Variants in ADAMTS12 observed in about 807,000 individuals in gnomAD.
The protein encoded by ADAMTS12 is ADAM metallopeptidase with thrombospondin type 1 motif 12.
A neutral mutation model predicts 167.8 loss-of-function variants in ADAMTS12; 118 were observed. That is an observed-to-expected ratio of 0.70 (90% CI 0.61 to 0.82). The LOEUF (loss-of-function observed/expected upper bound fraction) is 0.82, where lower values mean the gene tolerates loss of function less well. ADAMTS12 is among the 40% of genes least tolerant of loss of function. The pLI is 0.00. For missense variants in ADAMTS12, 1,916 were observed against 1,998.8 expected, an observed-to-expected ratio of 0.96 and a Z score of 0.79; for synonymous variants, 704 against 716.9, an observed-to-expected ratio of 0.98 and a Z score of 0.29.
rs559706198 is a variant in ADAMTS12 at position 33,532,944 on chromosome 5, T to A, written c.4606+1889A>T. Among the ~76,000 whole-genome samples, 2 of 152,342 alleles carry A rather than the reference T, an allele frequency of 1.3e-5. 1 individual carries two copies. Among genetic ancestry groups the A allele is most frequent in the South Asian group, 4.1e-4 (2 of 4,820 alleles). Reference sequence around the variant, plus strand: ...TGGCTGGTTTCTTAAATCAAGGAATTTCTCACAACTCTTCTTTCATTTTCC... The same window carrying A: ...TGGCTGGTTTCTTAAATCAAGGAATATCTCACAACTCTTCTTTCATTTTCC... On this transcript the variant is annotated intron_variant, in intron 23 of 23. Transcript: ENST00000504830.
intron 16 of ADAMTS12, among the ~76,000 whole-genome samples, chr5:33,604,038 T>C (rs1738310012): frequency 1.3e-5 from 2 of 152,150 alleles, no homozygotes; most frequent in African/African-American, 4.8e-5. Flanking sequence ...TAAGTATAAA[T>C]TTATATCATA....
chr5:33,658,531 T>G (rs554084922), intron 6 of ADAMTS12, among the ~76,000 whole-genome samples, 198 bp from the exon 7 acceptor site: 1 of 152,326 alleles, frequency 6.6e-6, no homozygotes, highest in African/African-American at 2.4e-5. Flanking sequence ...ATTACTGAAT[T>G]TCACCAACAC....
chr5:33,811,042 T>C (rs917439608), intron 2 of ADAMTS12, among the ~76,000 whole-genome samples: 2 of 152,204 alleles, frequency 1.3e-5, no homozygotes, highest in African/African-American at 4.8e-5. Flanking sequence ...AGCCAACTCC[T>C]TGAAGACCAA....
At position 33,549,256 on chromosome 5, in the gene ADAMTS12, C is replaced by T. The variant is rs1190411342; in HGVS notation, c.4253G>A (p.Ser1418Asn). ...CGCCTCACAGGGCTCCGGGTTACAG[C>T]TCATGCTCAATGGGGGAGGAATGCC... Reference protein sequence around the residue: ...LAGIPPPLSMSCNPEPCEAWQ... With the variant: ...LAGIPPPLSMNCNPEPCEAWQ... The change falls in exon 21 of 24, where the codon AGC (serine) becomes AAC (asparagine). Residue 1418 changes from serine (S) to asparagine (N), a missense_variant. By Grantham distance (46) the Ser-to-Asn change is conservative. Transcript: ENST00000504830. 6.2e-7 allele frequency: 1 copy of T among 1,614,206 alleles called. No individual in the cohort carries two copies. Among genetic ancestry groups the T allele is most frequent in the Non-Finnish European group, 8.5e-7 (1 of 1,180,034 alleles).
intron 11 of ADAMTS12, among the ~76,000 whole-genome samples, chr5:33,641,248 T>A (rs1422378169): frequency 6.6e-6 from 1 of 152,184 alleles, no homozygotes; most frequent in Non-Finnish European, 1.5e-5. Flanking sequence ...GAAAGTCACT[T>A]GTAAAATAAC....
intron 16 of ADAMTS12, among the ~76,000 whole-genome samples, chr5:33,600,994 A>T (rs13156059): frequency 0.52 from 79,446 of 151,696 alleles, 20,997 homozygotes; most frequent in Middle Eastern, 0.65. Context: ...CTGGCTCTCT[A>T]GGTTTCTTCA....
chr5:33,634,786 A>C (rs1740112146), intron 12 of ADAMTS12, among the ~76,000 whole-genome samples: 2 of 152,184 alleles, frequency 1.3e-5, no homozygotes, highest in African/African-American at 4.8e-5. Context: ...AAAGGTATAA[A>C]AACAAAAGTA....
At chr5:33,745,777 G>C (rs13164467) in intron 3 of ADAMTS12, among the ~76,000 whole-genome samples, 10,652 of 152,242 alleles carry the variant, frequency 0.07, 532 homozygotes, top group Non-Finnish European at 0.1. Flanking sequence ...CAGAGCTACA[G>C]AGAAATTGTG....
chr5:33,593,373 C>G (rs1747743366), intron 17 of ADAMTS12, among the ~76,000 whole-genome samples: 2 of 152,192 alleles, frequency 1.3e-5, no homozygotes, highest in Non-Finnish European at 2.9e-5. Context: ...GCACAGCAAA[C>G]AGATCTGGGT....
At chr5:33,558,924 T>C (rs1745608163) in intron 20 of ADAMTS12, among the ~76,000 whole-genome samples, 1 of 152,128 alleles carries the variant, frequency 6.6e-6, no homozygotes, top group Non-Finnish European at 1.5e-5. Flanking sequence ...AGAAAAATTA[T>C]ATAGAAAGAG....
chr5:33,874,465 A>C, intron 2 of ADAMTS12, among the ~76,000 whole-genome samples: 1 of 152,226 alleles, frequency 6.6e-6, no homozygotes, highest in East Asian at 1.9e-4. Context: ...ATAGGAACTC[A>C]CCTTCATTGC....
intron 2 of ADAMTS12, 106 bp downstream of exon 2, chr5:33,881,010 GGTT>G (rs1750414602): frequency 1.4e-6 from 2 of 1,470,830 alleles, no homozygotes; most frequent in Non-Finnish European, 1.8e-6. Context: ...ACATCACAGG[GGTT>G]CAACTCCCAT....
At chr5:33,539,999 G>A (rs1219705713) in intron 22 of ADAMTS12, among the ~76,000 whole-genome samples, 2 of 152,224 alleles carry the variant, frequency 1.3e-5, no homozygotes, top group Non-Finnish European at 2.9e-5. Flanking sequence ...GAAGCAGGGC[G>A]GGGCGTCGCT....
chr5:33,554,787 T>A (rs1052014822), intron 20 of ADAMTS12, among the ~76,000 whole-genome samples: 8 of 152,144 alleles, frequency 5.3e-5, no homozygotes, highest in African/African-American at 1.7e-4. Flanking sequence ...TCTGTAAAAT[T>A]CAATAAACAT....
At chr5:33,569,930 C>A (rs1406314936) in intron 19 of ADAMTS12, among the ~76,000 whole-genome samples, 1 of 152,160 alleles carries the variant, frequency 6.6e-6, no homozygotes, top group Non-Finnish European at 1.5e-5. Flanking sequence ...AGCCAAGGCT[C>A]AAGAACTACG....
intron 2 of ADAMTS12, among the ~76,000 whole-genome samples, chr5:33,850,124 G>A (rs746160558): frequency 6.6e-6 from 1 of 152,056 alleles, no homozygotes; most frequent in African/African-American, 2.4e-5. Context: ...TTACCATATC[G>A]TCTGTACGGA....
At chr5:33,624,379 T>C in intron 13 of ADAMTS12, 28 bp from the exon 14 acceptor site, 2 of 1,613,456 alleles carry the variant, frequency 1.2e-6, no homozygotes, top group Non-Finnish European at 1.7e-6. Context: ...GGAGGATGAA[T>C]GCCCAGGCAG....
intron 18 of ADAMTS12, among the ~76,000 whole-genome samples, chr5:33,584,218 C>A (rs999545720): frequency 6.6e-6 from 1 of 152,092 alleles, no homozygotes; most frequent in East Asian, 1.9e-4. Flanking sequence ...TGCTAATACC[C>A]ATAAAAGTAC....
intron 3 of ADAMTS12, among the ~76,000 whole-genome samples, chr5:33,720,276 T>TCA (rs1293395442): frequency 2.4e-4 from 19 of 77,762 alleles, no homozygotes; most frequent in South Asian, 3.5e-4. Flanking sequence ...CCTCTCTCTC[T>TCA]CTCTCACTCA....
Sources: allele counts gnomAD v4.1 joint callset (sites outside exome capture counted in the v4.1 genomes callset), GRCh38; gene constraint gnomAD v4.1.1; transcripts MANE v1.5; gene names NCBI Gene and HGNC (gene_info 2026-07-23, HGNC 2026-07-21).